The following DLGAP2 variants were observed in gnomAD, a reference collection of about 807,000 sequenced individuals.
DLGAP2 encodes the protein disks large-associated protein 2.
A neutral mutation model predicts 100.3 loss-of-function variants in DLGAP2; 26 were observed. The observed-to-expected ratio is 0.26, with a 90% CI of 0.19 to 0.36. DLGAP2 has a LOEUF of 0.36. DLGAP2 is among the 10% of genes least tolerant of loss of function. The probability of loss-of-function intolerance (pLI) is 1.00; values close to 1 mark genes in which losing one functional copy is unlikely to be tolerated. For missense variants in DLGAP2, 1,858 were observed against 1,453.2 expected (o/e 1.28, Z -4.53); for synonymous variants, 886 against 630.1 (o/e 1.41, Z -6.08).
intron 2 of DLGAP2, among the ~76,000 whole-genome samples, chr8:1,223,060 C>T (rs1050703915): frequency 1.3e-5 from 2 of 152,168 alleles, no homozygotes; most frequent in South Asian, 2.1e-4. Flanking sequence ...TTCTCCCTGC[C>T]AGCTCAGAGG....
chr8:1,455,404 G>A (rs740247), intron 3 of DLGAP2, among the ~76,000 whole-genome samples: 1 of 152,090 alleles, frequency 6.6e-6, no homozygotes, highest in East Asian at 1.9e-4. Flanking sequence ...GGGTCCCAGG[G>A]GGACCCTGGT....
At chr8:1,166,068 T>A (rs1797009077) in intron 2 of DLGAP2, among the ~76,000 whole-genome samples, 1 of 152,254 alleles carries the variant, frequency 6.6e-6, no homozygotes, top group South Asian at 2.1e-4. Context: ...CCCAAGGTTA[T>A]CTAAAGAGGA....
intron 3 of DLGAP2, among the ~76,000 whole-genome samples, chr8:1,341,905 A>C (rs142972034): frequency 6.6e-6 from 1 of 152,084 alleles, no homozygotes; most frequent in Non-Finnish European, 1.5e-5. Context: ...GGGTGAAGCA[A>C]TTGAGGTCTG....
chr8:821,586 T>C (rs1420286776), intron 1 of DLGAP2, among the ~76,000 whole-genome samples: 3 of 152,370 alleles, frequency 2.0e-5, no homozygotes. Flanking sequence ...TCTGGGTACA[T>C]AGCATTTTTG....
intron 3 of DLGAP2, among the ~76,000 whole-genome samples, chr8:1,332,685 A>T (rs1238506044): frequency 6.6e-6 from 1 of 152,192 alleles, no homozygotes; most frequent in Non-Finnish European, 1.5e-5. Context: ...TGCAGCCGCG[A>T]GGAGCACTCA....
At chr8:1,012,039 G>A (rs555360291) in intron 2 of DLGAP2, among the ~76,000 whole-genome samples, 2 of 152,288 alleles carry the variant, frequency 1.3e-5, no homozygotes, top group South Asian at 4.1e-4. Context: ...TGTTTTATAG[G>A]CCCTGCAAAC....
intron 2 of DLGAP2, among the ~76,000 whole-genome samples, chr8:998,396 G>T (rs1385540177): frequency 6.6e-6 from 1 of 152,134 alleles, no homozygotes; most frequent in African/African-American, 2.4e-5. Context: ...GAACTCCTGG[G>T]CTCAAGCTAT....
At chr8:1,103,530 G>A (rs576124484) in intron 2 of DLGAP2, among the ~76,000 whole-genome samples, 51 of 73,260 alleles carry the variant, frequency 7.0e-4, no homozygotes, top group African/African-American at 5.8e-3. Flanking sequence ...TGACGGTGAT[G>A]ACTGGCGGGG....
In DLGAP2 at chr8:748,535, A is replaced by G. The variant is rs530909568; in HGVS notation, c.18+10710A>G. Among the ~76,000 whole-genome samples the G allele has an allele frequency of 4.0e-4, 61 of 152,260 alleles. 1 individual carries two copies. Among genetic ancestry groups the G allele is most frequent in the African/African-American group, 1.4e-3 (60 of 41,560 alleles). On this transcript the variant is annotated intron_variant, in intron 1 of 14. Transcript: ENST00000637795. ...TACCTGGCATTTGTTTTCTCCCAGA[A>G]AAGCAGCAGAGTCCAAAGCATAGAG...
At chr8:1,094,467 A>G (rs1260658092) in intron 2 of DLGAP2, among the ~76,000 whole-genome samples, 2 of 152,210 alleles carry the variant, frequency 1.3e-5, no homozygotes, top group Non-Finnish European at 2.9e-5. Context: ...TTTCTGGGTG[A>G]AGAAAAAGAA....
At chr8:742,929 T>A (rs1284819211) in intron 1 of DLGAP2, among the ~76,000 whole-genome samples, 2 of 152,324 alleles carry the variant, frequency 1.3e-5, no homozygotes, top group East Asian at 3.9e-4. Flanking sequence ...TGTAAAGTGA[T>A]AAGAATGGTG....
At chr8:1,291,371 T>A (rs2116970573) in intron 3 of DLGAP2, among the ~76,000 whole-genome samples, 1 of 152,262 alleles carries the variant, frequency 6.6e-6, no homozygotes, top group East Asian at 1.9e-4. Context: ...GCTATTTTTC[T>A]ATCATGGGCA....
chr8:891,467 G>C (rs1435548704), intron 1 of DLGAP2: 4 of 152,690 alleles, frequency 2.6e-5, no homozygotes, highest in Admixed American at 6.5e-5. Flanking sequence ...TTGGGGTTCA[G>C]GTGATGCCAG....
chr8:1,270,094 A>G (rs1469563040), intron 3 of DLGAP2, among the ~76,000 whole-genome samples: 1 of 152,120 alleles, frequency 6.6e-6, no homozygotes. Flanking sequence ...TTGACTGACC[A>G]TGATGCAAAA....
chr8:1,148,936 G>A (rs989427335), intron 2 of DLGAP2, among the ~76,000 whole-genome samples: 1 of 152,122 alleles, frequency 6.6e-6, no homozygotes, highest in South Asian at 2.1e-4. Flanking sequence ...CAATAATTCA[G>A]TATTAATCCT....
chr8:1,676,756 C>T (rs1798820499), intron 11 of DLGAP2, 138 bp downstream of exon 11: 1 of 813,056 alleles, frequency 1.2e-6, no homozygotes, highest in Non-Finnish European at 1.9e-6. Context: ...TATACTTTTC[C>T]ATTGATAACC....
At chr8:912,897 C>T (rs1407146823) in intron 2 of DLGAP2, among the ~76,000 whole-genome samples, 1 of 152,102 alleles carries the variant, frequency 6.6e-6, no homozygotes, top group African/African-American at 2.4e-5. Context: ...TGGATCCCCG[C>T]ACTGTGGTGC....
At chr8:800,669 T>G (rs1796130100) in intron 1 of DLGAP2, among the ~76,000 whole-genome samples, 1 of 152,202 alleles carries the variant, frequency 6.6e-6, no homozygotes, top group South Asian at 2.1e-4. Flanking sequence ...TGTGCATGTG[T>G]GTACATGTAT....
intron 3 of DLGAP2, among the ~76,000 whole-genome samples, chr8:1,434,940 C>G (rs752507938): frequency 6.6e-6 from 1 of 152,190 alleles, no homozygotes; most frequent in Admixed American, 6.5e-5. Context: ...GTCTGCATGT[C>G]ACATGCCTCT....
Sources: allele counts gnomAD v4.1 joint callset (sites outside exome capture counted in the v4.1 genomes callset), GRCh38; gene constraint gnomAD v4.1.1; transcripts MANE v1.5; gene names NCBI Gene and HGNC (gene_info 2026-07-23, HGNC 2026-07-21).